The following NF1 variants were observed in gnomAD, a reference collection of about 807,000 sequenced individuals.
NF1 encodes neurofibromin.
NF1 carries 122 observed loss-of-function variants against 325.7 expected under a neutral mutation model. The ratio of observed to expected loss-of-function variants is 0.37; its 90% confidence interval spans 0.32 to 0.44. NF1 has a LOEUF of 0.44. Ranked by LOEUF, NF1 falls within the 20% of genes least tolerant of loss-of-function variation. The probability of loss-of-function intolerance (pLI) is 1.00; values close to 1 mark genes in which losing one functional copy is unlikely to be tolerated. For synonymous variants in NF1, 1,091 were observed against 1,186.0 expected (o/e 0.92, Z 1.65); for missense variants, 2,140 against 3,415.4 (o/e 0.63, Z 9.31).
chr17:31,156,302 T>C (rs1396264263), intron 2 of NF1, among the ~76,000 whole-genome samples, 176 bp downstream of exon 2: 1 of 152,232 alleles, frequency 6.6e-6, no homozygotes, highest in African/African-American at 2.4e-5. Flanking sequence ...TTTGTCAAAT[T>C]TTTAATCAGC....
chr17:31,098,722 AG>A lies in NF1; in HGVS notation c.60+3355del, dbSNP rs538079701. 5.4e-4 allele frequency among the ~76,000 whole-genome samples: 82 copies of A among 152,204 alleles called. 1 individual carries two copies. In the South Asian group the frequency reaches 0.016, roughly 30 times the overall value. On this transcript the variant is annotated intron_variant, in intron 1 of 57. Transcript: ENST00000358273. ...GCCGAGGCGGGCCGATCATGAGGTC[AG>A]GAGATCGAGACCATCCTGGCTAACA...
intron 13 of NF1, among the ~76,000 whole-genome samples, chr17:31,215,358 G>C (rs181746743): frequency 6.6e-6 from 1 of 152,282 alleles, no homozygotes; most frequent in Admixed American, 6.5e-5. Context: ...CTGGTACACA[G>C]AGTAATTAGG....
chr17:31,195,236 T>A (rs763556377), intron 8 of NF1, among the ~76,000 whole-genome samples: 1 of 152,164 alleles, frequency 6.6e-6, no homozygotes, highest in Non-Finnish European at 1.5e-5. Context: ...TATACTTTTT[T>A]TCCTAAGTCA....
chr17:31,316,227 C>T, intron 36 of NF1, among the ~76,000 whole-genome samples: 1 of 152,072 alleles, frequency 6.6e-6, no homozygotes, highest in Middle Eastern at 3.2e-3. Context: ...AACTGTAATA[C>T]CCAGGGGTAG....
chr17:31,243,071 G>A (rs2067328240), intron 29 of NF1, among the ~76,000 whole-genome samples: 1 of 152,102 alleles, frequency 6.6e-6, no homozygotes, highest in Non-Finnish European at 1.5e-5. Context: ...GTACCACCTT[G>A]GTGGTCTTGC....
Position 31,352,292 on chromosome 17 carries a change from A to G in NF1, c.7493A>G (p.Lys2498Arg), listed in dbSNP as rs1269264795. ...GAGACTCAGCCATGGTCCTCTCCCA[A>G]AGGTTCTGAAGGATACCTTGCAGCC... ...LKETQPWSSP[K>R]GSEGYLAATY... Residue 2498 changes from lysine to arginine, a missense_variant, in exon 51 of 58, where the codon AAA becomes AGA. By Grantham distance (26) the Lys-to-Arg change is conservative. This residue lies in a region of NF1 where 522 missense variants were observed against 749.0 expected (regional missense o/e 0.70). Coordinates refer to ENST00000358273, the MANE Select transcript of NF1 (RefSeq NM_001042492.3). 1.2e-6 allele frequency: 2 copies of G among 1,613,964 alleles called. No homozygotes were observed. The highest frequency in any genetic ancestry group is 2.2e-5 in the East Asian group (1 of 44,888).
At chr17:31,226,369 A>G in intron 17 of NF1, 66 bp from the exon 18 acceptor site, 1 of 1,445,840 alleles carries the variant, frequency 6.9e-7, no homozygotes, top group South Asian at 1.2e-5. Flanking sequence ...AGTTTATTGC[A>G]TTGTTAGATT....
chr17:31,103,837 T>C (rs1346019266), intron 1 of NF1, among the ~76,000 whole-genome samples: 1 of 151,148 alleles, frequency 6.6e-6, no homozygotes, highest in Non-Finnish European at 1.5e-5. Context: ...AAAAAAAAAA[T>C]CAGCCAGTGT....
At chr17:31,217,315 C>CT (rs67301567) in intron 13 of NF1, among the ~76,000 whole-genome samples, 1 of 144,496 alleles carries the variant, frequency 6.9e-6, no homozygotes. Context: ...ATATATTCTT[C>CT]TTTTTTTTTT....
At chr17:31,235,522 T>G in intron 27 of NF1, 89 bp from the exon 28 acceptor site, 1 of 1,410,258 alleles carries the variant, frequency 7.1e-7, no homozygotes, top group South Asian at 1.2e-5. Context: ...GTTGTCAACT[T>G]TGGGTTTACA....
At chr17:31,214,319 C>T (rs1438173387) in intron 12 of NF1, 132 bp from the exon 13 acceptor site, 2 of 654,708 alleles carry the variant, frequency 3.1e-6, no homozygotes, top group Non-Finnish European at 5.3e-6. Context: ...AGTGTTTCTA[C>T]TAATACCACA....
Position 31,139,617 on chromosome 17 carries a change from A to T in NF1, c.61-16366A>T, listed in dbSNP as rs537756547. 2.0e-5 allele frequency among the ~76,000 whole-genome samples: 3 copies of T among 152,280 alleles called. No homozygotes were observed. The East Asian group carries it at 5.8e-4, about 29-fold the overall frequency. ...GGTAAGTTGGTGGAGAACTAACTTT[A>T]TTGTTGGAGGCTTTCTAAATGTATG... On this transcript the variant is annotated intron_variant, in intron 1 of 57. Transcript: ENST00000358273.
At chr17:31,174,192 A>G (rs2065979427) in intron 5 of NF1, among the ~76,000 whole-genome samples, 1 of 152,174 alleles carries the variant, frequency 6.6e-6, no homozygotes, top group Admixed American at 6.5e-5. Context: ...CAATAAACTT[A>G]AAGAAGAAGA....
chr17:31,247,102 A>G (rs1297714059), intron 29 of NF1, among the ~76,000 whole-genome samples: 1 of 151,390 alleles, frequency 6.6e-6, no homozygotes, highest in Admixed American at 6.6e-5. Flanking sequence ...AGGCTGAGGC[A>G]GGAGAATTGC....
At chr17:31,289,569 A>G (rs927468027) in intron 36 of NF1, among the ~76,000 whole-genome samples, 6 of 152,136 alleles carry the variant, frequency 3.9e-5, no homozygotes, top group Non-Finnish European at 8.8e-5. Flanking sequence ...TTTTTAATAC[A>G]TGGTTCTATG....
chr17:31,212,658 C>T (rs577310981), intron 12 of NF1, among the ~76,000 whole-genome samples: 5 of 152,190 alleles, frequency 3.3e-5, no homozygotes, highest in South Asian at 2.1e-4. Flanking sequence ...TGCAGTTAGC[C>T]GAGATCGCGC....
intron 5 of NF1, among the ~76,000 whole-genome samples, chr17:31,175,345 C>CTTTTTTTTTTTTTTTTTTTT (rs869113407): frequency 2.8e-5 from 2 of 71,348 alleles, no homozygotes; most frequent in Non-Finnish European, 4.9e-5. Flanking sequence ...TGTGCTTTTG[C>CTTTTTTTTTTTTTTTTTTTT]TTTTTTTTTT....
chr17:31,102,218 T>A (rs1316974181), intron 1 of NF1, among the ~76,000 whole-genome samples: 2 of 152,262 alleles, frequency 1.3e-5, no homozygotes, highest in Non-Finnish European at 2.9e-5. Context: ...TCTGATCAAC[T>A]ACTTTTGTAA....
intron 11 of NF1, among the ~76,000 whole-genome samples, chr17:31,202,511 G>A (rs1474964698): frequency 6.6e-6 from 1 of 152,138 alleles, no homozygotes; most frequent in East Asian, 1.9e-4. Flanking sequence ...ATTTTTCTCA[G>A]CAGGTGTTTA....
Sources: gnomAD v4.1 joint callset for allele counts (sites outside exome capture counted in the v4.1 genomes callset) on GRCh38, gnomAD v4.1.1 for gene constraint, gnomAD v4.1.1 regional missense constraint, MANE v1.5 for transcripts, NCBI Gene and HGNC (gene_info 2026-07-23, HGNC 2026-07-21) for gene names.